Variants in SLC12A8 observed in about 807,000 individuals in gnomAD.
SLC12A8 encodes the protein solute carrier family 12 member 8.
A neutral mutation model predicts 75.6 loss-of-function variants in SLC12A8; 69 were observed. The ratio of observed to expected loss-of-function variants is 0.91; its 90% CI spans 0.75 to 1.11. The LOEUF is 1.11. SLC12A8 is among the 50% of genes most tolerant of loss of function. The probability of loss-of-function intolerance (pLI) is 0.00; values close to 1 mark genes in which losing one functional copy is unlikely to be tolerated. For synonymous variants in SLC12A8, 365 were observed against 372.8 expected, an observed-to-expected ratio of 0.98 and a Z score of 0.24; for missense variants, 877 against 896.7, an observed-to-expected ratio of 0.98 and a Z score of 0.28.
chr3:125,092,457 A>C (rs537700354), intron 10 of SLC12A8, among the ~76,000 whole-genome samples: 1 of 152,160 alleles, frequency 6.6e-6, no homozygotes. Context: ...CAGATATGTC[A>C]TCTGGGGCAA....
chr3:125,103,380 T>C lies in SLC12A8; in HGVS notation c.1705+4101A>G, dbSNP rs192785901. The stretch of plus-strand genomic sequence containing the variant: ...GTAAAAAGTCTAGCCCACTCCTCCT[T>C]ATTCTACAGTAAGGTGCCCCAATTA... On this transcript the variant is annotated intron_variant, in intron 10 of 13. Coordinates refer to ENST00000469902, the MANE Select transcript of SLC12A8 (RefSeq NM_024628.6). Among the ~76,000 whole-genome samples the C allele has an allele frequency of 7.3e-5, 11 of 151,600 alleles. No homozygotes were observed. In the East Asian group the frequency reaches 2.1e-3, roughly 30 times the overall value.
chr3:125,202,565 G>A (rs1326494779), intron 2 of SLC12A8, among the ~76,000 whole-genome samples: 1 of 151,806 alleles, frequency 6.6e-6, no homozygotes, highest in African/African-American at 2.4e-5. Context: ...TTTACCTTAA[G>A]GCAGTAAGAA....
At chr3:125,136,762 C>G (rs55808542) in intron 5 of SLC12A8, among the ~76,000 whole-genome samples, 3,061 of 152,302 alleles carry the variant, frequency 0.02, 119 homozygotes, top group African/African-American at 0.067. Flanking sequence ...TCGACTTTAA[C>G]AAACTTTTTT....
chr3:125,171,209 A>AAGGTAAAAATTAG (rs1934399787), intron 5 of SLC12A8, among the ~76,000 whole-genome samples: 2 of 55,166 alleles, frequency 3.6e-5, no homozygotes, highest in Admixed American at 2.3e-4. Flanking sequence ...CTCCATTGAA[A>AAGGTAAAAATTAG]GATATCATCT....
At chr3:125,112,205 G>A (rs376141418) in intron 8 of SLC12A8, among the ~76,000 whole-genome samples, 5 of 152,242 alleles carry the variant, frequency 3.3e-5, no homozygotes, top group East Asian at 1.9e-4. Context: ...GGTCCACTAC[G>A]GAGCCCACCT....
At chr3:125,173,547 G>A (rs894959223) in intron 5 of SLC12A8, among the ~76,000 whole-genome samples, 2 of 148,680 alleles carry the variant, frequency 1.3e-5, no homozygotes, top group Non-Finnish European at 3.0e-5. Context: ...AGACCTAAAT[G>A]TCAAACAAAA....
chr3:125,122,523 G>A (rs544772933), intron 6 of SLC12A8, among the ~76,000 whole-genome samples: 19 of 152,240 alleles, frequency 1.2e-4, no homozygotes, highest in Non-Finnish European at 8.8e-5. Flanking sequence ...ATGAATGTCT[G>A]GAACATAGAA....
chr3:125,120,101 C>T (rs995270680), intron 7 of SLC12A8, among the ~76,000 whole-genome samples: 2 of 152,178 alleles, frequency 1.3e-5, no homozygotes, highest in African/African-American at 4.8e-5. Flanking sequence ...CTAGGAAGCA[C>T]ATACAGTGTC....
chr3:125,123,070 G>A (rs930985934), intron 6 of SLC12A8, among the ~76,000 whole-genome samples: 3 of 152,220 alleles, frequency 2.0e-5, no homozygotes, highest in African/African-American at 7.2e-5. Flanking sequence ...GCTTTGGGAG[G>A]CCAAGGCAGA....
intron 5 of SLC12A8, among the ~76,000 whole-genome samples, chr3:125,147,872 C>T (rs1392534507): frequency 6.6e-6 from 1 of 152,164 alleles, no homozygotes; most frequent in Non-Finnish European, 1.5e-5. Context: ...AACCCAGGGC[C>T]TCCAGGGACC....
intron 4 of SLC12A8, among the ~76,000 whole-genome samples, chr3:125,183,938 G>A (rs1023966951): frequency 2.6e-5 from 4 of 151,770 alleles, no homozygotes; most frequent in Non-Finnish European, 5.9e-5. Flanking sequence ...GGGCAATGAC[G>A]AGCCTTTGCA....
intron 5 of SLC12A8, among the ~76,000 whole-genome samples, chr3:125,162,019 T>C (rs1296803765): frequency 6.6e-6 from 1 of 152,208 alleles, no homozygotes; most frequent in African/African-American, 2.4e-5. Context: ...CACACAGGCA[T>C]TGTGCGATCC....
At chr3:125,106,547 G>A (rs945121385) in intron 10 of SLC12A8, among the ~76,000 whole-genome samples, 9 of 152,164 alleles carry the variant, frequency 5.9e-5, no homozygotes, top group Non-Finnish European at 1.5e-5. Flanking sequence ...GGGATTACAG[G>A]CAGCAGCCAC....
Position 125,170,432 on chromosome 3 carries a change from T to C in SLC12A8, c.622+7311A>G, listed in dbSNP as rs1934383147. 2.6e-5 allele frequency among the ~76,000 whole-genome samples: 4 copies of C among 152,336 alleles called. No homozygotes were observed. The South Asian group carries it at 8.3e-4, about 32-fold the overall frequency. On this transcript the variant is annotated intron_variant, in intron 5 of 13. Transcript: ENST00000469902. ...TATAAAGTATTTTAAATCTCTAATATGGAATGCTATGTGGGTGTTTTAAAA... is the reference window on the plus strand; with the variant it reads ...TATAAAGTATTTTAAATCTCTAATACGGAATGCTATGTGGGTGTTTTAAAA...
intron 6 of SLC12A8, among the ~76,000 whole-genome samples, chr3:125,123,298 C>T (rs1006826489): frequency 2.0e-5 from 3 of 150,888 alleles, no homozygotes; most frequent in Admixed American, 2.0e-4. Context: ...TCACTTGAGC[C>T]CAGGAGGTAG....
chr3:125,179,929 T>A (rs1934618198), intron 4 of SLC12A8, among the ~76,000 whole-genome samples: 1 of 152,260 alleles, frequency 6.6e-6, no homozygotes, highest in Non-Finnish European at 1.5e-5. Flanking sequence ...AATGTAGCAA[T>A]GGATACCATT....
chr3:125,112,026 G>A (rs1939200494), intron 8 of SLC12A8, among the ~76,000 whole-genome samples: 1 of 152,168 alleles, frequency 6.6e-6, no homozygotes, highest in South Asian at 2.1e-4. Flanking sequence ...AGCACGCAAT[G>A]GCCTAGTGTA....
intron 5 of SLC12A8, among the ~76,000 whole-genome samples, chr3:125,154,303 C>G (rs1447506678): frequency 6.6e-6 from 1 of 152,194 alleles, no homozygotes; most frequent in Admixed American, 6.5e-5. Flanking sequence ...GAGCAGGCGG[C>G]CCCAGCAGCT....
At chr3:125,147,381 C>T (rs73191246) in intron 5 of SLC12A8, among the ~76,000 whole-genome samples, 12,324 of 152,270 alleles carry the variant, frequency 0.081, 772 homozygotes, top group East Asian at 0.2. Context: ...GGGCACTCTG[C>T]TCTCAGCCTT....
Sources: gnomAD v4.1 joint callset for allele counts (sites outside exome capture counted in the v4.1 genomes callset) on GRCh38, gnomAD v4.1.1 for gene constraint, MANE v1.5 for transcripts, NCBI Gene and HGNC (gene_info 2026-07-23, HGNC 2026-07-21) for gene names.